SART3: variants seen among roughly 807,000 people sequenced by gnomAD.
The protein encoded by SART3 is HIV-1 Tat-interacting protein of 110kDa.
A neutral mutation model predicts 122.3 loss-of-function variants in SART3; 44 were observed. That is an observed-to-expected ratio of 0.36 (90% CI 0.28 to 0.46). The LOEUF is 0.46. Among genes scored for constraint, SART3 ranks in the 20% least tolerant of loss-of-function variants. The probability of loss-of-function intolerance (pLI) is 1.00; values close to 1 mark genes in which losing one functional copy is unlikely to be tolerated. For missense variants in SART3, 1,101 were observed against 1,229.0 expected (o/e 0.90, Z 1.56); for synonymous variants, 442 against 454.0 (o/e 0.97, Z 0.34).
chr12:108,543,249 C>T (rs1873248825), intron 5 of SART3, 97 bp from the exon 6 acceptor site: 3 of 1,415,996 alleles, frequency 2.1e-6, no homozygotes, highest in Non-Finnish European at 2.9e-6. Context: ...ACTAGCCCCT[C>T]CCACATCTGT....
chr12:108,538,258 C>A, intron 7 of SART3, 55 bp from the exon 8 acceptor site: 1 of 1,596,906 alleles, frequency 6.3e-7, no homozygotes, highest in South Asian at 1.1e-5. Flanking sequence ...CATTCACCAT[C>A]AACAAGACAT....
At chr12:108,535,756 G>C (rs1396990824) in intron 11 of SART3, among the ~76,000 whole-genome samples, 5 of 146,954 alleles carry the variant, frequency 3.4e-5, no homozygotes, top group African/African-American at 1.3e-4. Flanking sequence ...TTTTTATCAA[G>C]CTTAACTACA....
chr12:108,546,179 G>A (rs182709426), intron 3 of SART3, among the ~76,000 whole-genome samples: 1 of 152,202 alleles, frequency 6.6e-6, no homozygotes, highest in Non-Finnish European at 1.5e-5. Context: ...CAACAAGGAA[G>A]AGGGTACGAA....
intron 3 of SART3, among the ~76,000 whole-genome samples, chr12:108,547,593 C>T (rs945915848): frequency 2.0e-5 from 3 of 152,010 alleles, no homozygotes; most frequent in South Asian, 2.1e-4. Context: ...CTCTAAAAAC[C>T]TATTGAATGT....
chr12:108,560,106 T>C (rs1275458850), intron 1 of SART3: 1 of 152,282 alleles, frequency 6.6e-6, no homozygotes, highest in Admixed American at 6.5e-5. Flanking sequence ...CTAATTTAAA[T>C]GTGCCACCTA....
chr12:108,552,542 C>CAAAAAAAAAAAA (rs202116633), intron 1 of SART3, among the ~76,000 whole-genome samples: 11 of 130,782 alleles, frequency 8.4e-5, no homozygotes, highest in African/African-American at 3.1e-4. Flanking sequence ...CATACAAAAA[C>CAAAAAAAAAAAA]AAAAAAAAAA....
Position 108,537,494 on chromosome 12 carries a change from T to C in SART3, c.1303A>G (p.Lys435Glu), listed in dbSNP as rs1392967913. ...AAAACATGTGCTTAAATACCTTGTT[T>C]GAAATCAACCCTTCTCCTCAGGTAA... Reference protein sequence around the residue: ...LDYLRRRVDFKQDSSKELEEL... With the variant: ...LDYLRRRVDFEQDSSKELEEL... The change falls in exon 9 of 19, where the codon AAA becomes GAA. Residue 435 changes from lysine to glutamate, a missense_variant. Around this residue, in one of 2 missense-constraint regions of SART3, gnomAD observed 885 missense variants for 1,080.1 expected, o/e 0.82. Coordinates refer to ENST00000546815, the MANE Select transcript of SART3 (RefSeq NM_014706.4). The C allele has an allele frequency of 6.2e-7, 1 of 1,612,446 alleles. No individual in the cohort carries two copies.
chr12:108,548,987 G>A (rs1405671217), intron 2 of SART3, 101 bp downstream of exon 2: 40 of 1,557,834 alleles, frequency 2.6e-5, no homozygotes, highest in South Asian at 6.7e-5. Flanking sequence ...TACACTGAAC[G>A]TTCCAGGTTT....
intron 6 of SART3, chr12:108,542,670 C>A: frequency 2.9e-6 from 1 of 343,962 alleles, no homozygotes; most frequent in Non-Finnish European, 5.7e-6. Context: ...CAAAAGCAAG[C>A]AAAATTAAAC....
chr12:108,544,879 C>T (rs1032095535), intron 4 of SART3: 1 of 582,988 alleles, frequency 1.7e-6, no homozygotes, highest in Non-Finnish European at 3.0e-6. Context: ...CTGGTTCTTT[C>T]TACTTCAAAA....
Position 108,560,834 on chromosome 12 carries a change from C to G in SART3, c.312+9G>C. The G allele has an allele frequency of 6.3e-7, 1 of 1,579,522 alleles. No individual in the cohort carries two copies. Among genetic ancestry groups the G allele is most frequent in the Non-Finnish European group, 8.6e-7 (1 of 1,158,342 alleles). On this transcript the variant is annotated intron_variant, in intron 1 of 18. Transcript: ENST00000546815. ...CTGGAAGATGCCCGCTGCCCACCCC[C>G]GGGCCCACCTGCTCCTCCAGTCTCT... is the stretch of plus-strand genomic sequence containing the variant.
At chr12:108,557,206 G>GTTTTTTTTTTTTTTTTTTT (rs71076787) in intron 1 of SART3, among the ~76,000 whole-genome samples, 1 of 82,930 alleles carries the variant, frequency 1.2e-5, no homozygotes, top group Non-Finnish European at 2.1e-5. Context: ...TAATGACATA[G>GTTTTTTTTTTTTTTTTTTT]TTTTTTTTTT....
intron 12 of SART3, among the ~76,000 whole-genome samples, chr12:108,533,865 T>A (rs1226928487): frequency 6.6e-6 from 1 of 152,240 alleles, no homozygotes; most frequent in South Asian, 2.1e-4. Context: ...ACAGACTCTG[T>A]CAATATGGTT....
At chr12:108,557,134 T>C (rs561839011) in intron 1 of SART3, among the ~76,000 whole-genome samples, 1 of 151,960 alleles carries the variant, frequency 6.6e-6, no homozygotes, top group East Asian at 1.9e-4. Flanking sequence ...TATTTCCACA[T>C]AGTTCAATCT....
At chr12:108,536,907 G>T in intron 9 of SART3, 122 bp from the exon 10 acceptor site, 1 of 887,464 alleles carries the variant, frequency 1.1e-6, no homozygotes, top group Non-Finnish European at 1.8e-6. Flanking sequence ...AAGGGACACA[G>T]AAATAAAATT....
At chr12:108,536,489 T>A (rs749120294) in intron 11 of SART3, 25 bp downstream of exon 11, 14 of 1,610,674 alleles carry the variant, frequency 8.7e-6, no homozygotes, top group Non-Finnish European at 1.1e-5. Context: ...TGGATGAAAG[T>A]GCTAGATGTG....
chr12:108,530,083 A>T (rs1293820498), intron 15 of SART3, 59 bp downstream of exon 15: 2 of 1,589,682 alleles, frequency 1.3e-6, no homozygotes, highest in Admixed American at 1.7e-5. Context: ...TTCATACTGT[A>T]TTCGCAACTT....
chr12:108,542,466 G>A (rs949682006), intron 6 of SART3, among the ~76,000 whole-genome samples: 7 of 152,096 alleles, frequency 4.6e-5, no homozygotes, highest in Admixed American at 2.6e-4. Flanking sequence ...TCAGAGTGGC[G>A]CTGCTCCTTC....
Position 108,543,130 on chromosome 12 carries a change from C to T in SART3, c.804G>A (p.Glu268=). Residue 268 remains glutamate, a synonymous_variant, in exon 6 of 19, where the codon GAG becomes GAA. Coordinates refer to ENST00000546815, the MANE Select transcript of SART3 (RefSeq NM_014706.4). ...TTGGGTCTTCTGACCATTCTTCATA[C>T]TCTGCAAATGTGGCCTCCATATCTA... ...PLYDMEATFA[E]YEEWSEDPIP... 6.2e-7 allele frequency: 1 copy of T among 1,614,214 alleles called. No homozygotes were observed. The highest frequency in any genetic ancestry group is 8.5e-7 in the Non-Finnish European group (1 of 1,180,032).
Sources: allele counts gnomAD v4.1 joint callset (sites outside exome capture counted in the v4.1 genomes callset), GRCh38; gene constraint gnomAD v4.1.1; regional missense constraint gnomAD v4.1.1; transcripts MANE v1.5; gene names NCBI Gene and HGNC (gene_info 2026-07-23, HGNC 2026-07-21).